The following LRFN4 variants were observed in gnomAD, a reference collection of about 807,000 sequenced individuals.
The protein encoded by LRFN4 is leucine-rich repeat and fibronectin type-III domain-containing protein 4.
Under a neutral mutation model 29.0 loss-of-function variants are expected in LRFN4, and 10 were observed. The observed-to-expected ratio is 0.35, with a 90% CI of 0.21 to 0.59. The LOEUF is 0.59. LRFN4 is among the 20% of genes least tolerant of loss of function. The probability of loss-of-function intolerance (pLI) is 0.82; values close to 1 mark genes in which losing one functional copy is unlikely to be tolerated. For synonymous variants in LRFN4, 493 were observed against 437.0 expected (o/e 1.13, Z -1.60); for missense variants, 850 against 907.9 (o/e 0.94, Z 0.82).
rs1208260859 is a variant in LRFN4, at chr11:66,860,231, G to C, written c.*36G>C. 2.6e-6 allele frequency: 4 copies of C among 1,539,258 alleles called. No homozygotes were observed. The highest frequency in any genetic ancestry group is 3.5e-6 in the Non-Finnish European group (4 of 1,146,996). On this transcript the variant is annotated 3_prime_UTR_variant, in exon 2 of 2. Transcript: ENST00000309602. ...GCTTCCTGTGTGCTCCAAGGGATGA[G>C]CCTCGTGGGGCAGAGGGCCCGGGGC...
At position 66,859,678 on chromosome 11, in the gene LRFN4, T is replaced by C; in HGVS notation, c.1391T>C (p.Leu464Pro). 5.0e-6 allele frequency: 8 copies of C among 1,612,950 alleles called. No homozygotes were observed. The highest frequency in any genetic ancestry group is 5.9e-6 in the Non-Finnish European group (7 of 1,179,884). Residue 464 changes from leucine (L) to proline (P), a missense_variant, in exon 2 of 2, where the codon CTC becomes CCC. Leu to Pro is a moderately conservative substitution (Grantham distance 98). This residue lies in a region of LRFN4 where 744 missense variants were observed against 753.8 expected (regional missense o/e 0.99). Coordinates refer to ENST00000309602, the MANE Select transcript of LRFN4 (RefSeq NM_024036.5). ...ASSHHFLLKH[L>P]VPGADYDLCL... The stretch of plus-strand genomic sequence containing the variant: ...AGCCACCACTTCCTGCTGAAGCACC[T>C]CGTCCCCGGCGCTGACTATGACCTC...
Position 66,860,031 on chromosome 11 carries a change from C to T in LRFN4, c.1744C>T (p.Arg582Cys), listed in dbSNP as rs1165579148. The T allele has an allele frequency of 1.9e-6, 3 of 1,582,900 alleles. No homozygotes were observed. Among genetic ancestry groups the T allele is most frequent in the Non-Finnish European group, 2.6e-6 (3 of 1,165,522 alleles). Residue 582 changes from arginine (R) to cysteine (C), a missense_variant, in exon 2 of 2, where the codon CGC becomes TGC. Arg to Cys is a radical substitution (Grantham distance 180). This residue lies in a region of LRFN4 where 744 missense variants were observed against 753.8 expected (regional missense o/e 0.99). Coordinates refer to ENST00000309602, the MANE Select transcript of LRFN4 (RefSeq NM_024036.5). ...GCGGAGCCCCCCGCCCCGGCCGCAGCGCAGCTGCTCTCTGGACCTGGGAGA... is the reference window on the plus strand; with the variant it reads ...GCGGAGCCCCCCGCCCCGGCCGCAGTGCAGCTGCTCTCTGGACCTGGGAGA... ...PPRSPPPRPQ[R>C]SCSLDLGDAG...
chr11:66,857,887 G>C lies in LRFN4; in HGVS notation c.143G>C (p.Arg48Pro). 1.2e-6 allele frequency: 2 copies of C among 1,611,464 alleles called. No homozygotes were observed. Among genetic ancestry groups the C allele is most frequent in the Non-Finnish European group, 1.7e-6 (2 of 1,179,920 alleles). Residue 48 changes from arginine to proline, a missense_variant, in exon 1 of 2, where the codon CGG (arginine) becomes CCG (proline). Arg to Pro is a moderately radical substitution (Grantham distance 103). Coordinates refer to ENST00000309602, the MANE Select transcript of LRFN4 (RefSeq NM_024036.5). This position sits in a 1 kb window ranked among gnomAD's most constrained non-coding sequence, Gnocchi z 7.1. Reference protein sequence around the residue: ...GLLFVPPNVDRRTVELRLADN... With the variant: ...GLLFVPPNVDPRTVELRLADN... ...CTGTTTGTGCCGCCCAACGTGGACC[G>C]GCGCACAGTGGAGCTGCGGCTGGCT...
In LRFN4 at chr11:66,858,156, G is replaced by T. The variant is rs1945985314; in HGVS notation, c.412G>T (p.Gly138Ter). ...SGNQLGRIAPGAFDDFLESLE... is the reference protein window; with the variant it reads ...SGNQLGRIAP ...CAACCAGCTGGGCCGCATCGCGCCGGGAGCCTTCGACGACTTCCTAGAGAG... is the reference window on the plus strand; with the variant it reads ...CAACCAGCTGGGCCGCATCGCGCCGTGAGCCTTCGACGACTTCCTAGAGAG... Residue 138 changes from glycine to a stop codon, truncating the protein, a stop_gained, in exon 1 of 2, where the codon GGA becomes TGA. Transcript: ENST00000309602. LOFTEE classifies it high-confidence loss of function. The surrounding 1 kb of genome is among the most constrained non-coding windows in gnomAD (Gnocchi z 5.9). 1 of 1,610,668 alleles carries T rather than the reference G, an allele frequency of 6.2e-7. No homozygotes were observed. The highest frequency in any genetic ancestry group is 1.3e-5 in the African/African-American group (1 of 74,900).
chr11:66,858,263 C>G lies in LRFN4; in HGVS notation c.519C>G (p.Thr173=), dbSNP rs1346703838. 1.2e-6 allele frequency: 2 copies of G among 1,612,394 alleles called. No homozygotes were observed. The highest frequency in any genetic ancestry group is 1.6e-4 in the Middle Eastern group (1 of 6,062). Residue 173 remains threonine, a synonymous_variant, in exon 1 of 2, where the codon ACC becomes ACG. Coordinates refer to ENST00000309602, the MANE Select transcript of LRFN4 (RefSeq NM_024036.5). The surrounding 1 kb of genome is among the most constrained non-coding windows in gnomAD (Gnocchi z 5.9). ...TCGGCGCCATGCCTGCCCTGCACAC[C>G]CTCAACCTGGACCATAACCTTATTG... The part of the protein sequence containing the change: ...AGIGAMPALH[T]LNLDHNLIDA...
In LRFN4 at chr11:66,857,848, CCCA is replaced by C; in HGVS notation, c.107_109del (p.His36del). On this transcript the variant is annotated inframe_deletion, in exon 1 of 2. Transcript: ENST00000309602. The surrounding 1 kb of genome is among the most constrained non-coding windows in gnomAD (Gnocchi z 7.1). ...TCCGAGTCGCTCAGCACCCTCTGTG[CCCA>C]CCGAGGCCTGCTGTTTGTGCCGCCC... 1 of 1,607,804 alleles carries C rather than the reference CCCA, an allele frequency of 6.2e-7. No homozygotes were observed. The highest frequency in any genetic ancestry group is 1.1e-5 in the South Asian group (1 of 91,070).
intron 1 of LRFN4, 117 bp downstream of exon 1, chr11:66,859,210 C>G: frequency 7.7e-7 from 1 of 1,295,310 alleles, no homozygotes; most frequent in Non-Finnish European, 1.0e-6. Flanking sequence ...CCCTCCCCGA[C>G]CATGGCTGCT....
chr11:66,860,184 A>T lies in LRFN4; in HGVS notation c.1897A>T (p.Ser633Cys), dbSNP rs1490882497. The change falls in exon 2 of 2, where the codon AGT (serine) becomes TGT (cysteine). Residue 633 changes from serine (S) to cysteine (C), a missense_variant. Ser to Cys is a moderately radical substitution (Grantham distance 112, BLOSUM62 -1). Coordinates refer to ENST00000309602, the MANE Select transcript of LRFN4 (RefSeq NM_024036.5). ...VGGSAERLEE[S>C]VV ...AGGCAGCGCCGAGCGGCTGGAAGAG[A>T]GTGTGGTGTGATGGACGGGCAGCTT... The T allele has an allele frequency of 8.4e-6, 13 of 1,545,162 alleles. No individual in the cohort carries two copies. The highest frequency in any genetic ancestry group is 1.1e-5 in the Non-Finnish European group (13 of 1,147,428).
Position 66,859,031 on chromosome 11 carries a change from C to G in LRFN4, c.1287C>G (p.Ala429=), listed in dbSNP as rs781135899. 6.6e-6 allele frequency: 10 copies of G among 1,508,150 alleles called. No individual in the cohort carries two copies. Among genetic ancestry groups the G allele is most frequent in the Non-Finnish European group, 8.0e-6 (9 of 1,128,458 alleles). The allele number at this position is 1,508,150 out of a possible 1,614,324, so 93.4% of individuals were successfully genotyped here. A position where few individuals can be genotyped will look rare whatever the true frequency, so the allele number is the denominator to read the frequency against. ...GLVSWGPGRP[A]DPVWMFQIQY... is the part of the protein sequence containing the mutation. ...TGAGCTGGGGTCCCGGGCGGCCAGCCGACCCAGTGTGGATGTTCCAAATCC... is the reference window on the plus strand; with the variant it reads ...TGAGCTGGGGTCCCGGGCGGCCAGCGGACCCAGTGTGGATGTTCCAAATCC... The change falls in exon 1 of 2, where the codon GCC becomes GCG. Residue 429 remains alanine (A), a synonymous_variant. Transcript: ENST00000309602.
Position 66,859,938 on chromosome 11 carries a change from C to G in LRFN4, c.1651C>G (p.Leu551Val), listed in dbSNP as rs368508310. The G allele has an allele frequency of 3.8e-6, 6 of 1,594,054 alleles. No homozygotes were observed. Among genetic ancestry groups the G allele is most frequent in the Non-Finnish European group, 5.1e-6 (6 of 1,170,642 alleles). Residue 551 changes from leucine to valine, a missense_variant, in exon 2 of 2, where the codon CTC (leucine) becomes GTC (valine). Physicochemically the swap from Leu to Val is conservative, Grantham distance 32. This residue lies in a region of LRFN4 where 744 missense variants were observed against 753.8 expected (regional missense o/e 0.99). Coordinates refer to ENST00000309602, the MANE Select transcript of LRFN4 (RefSeq NM_024036.5). ...GRGAGNGRLP[L>V]KLSHVQSQTN... is the part of the protein sequence containing the mutation. ...GGGGGCCGGAAATGGCCGCCTCCCC[C>G]TCAAGCTCAGCCACGTCCAGTCCCA...
At chr11:66,859,357 G>A (rs1366006150) in intron 1 of LRFN4, among the ~76,000 whole-genome samples, 2 of 152,144 alleles carry the variant, frequency 1.3e-5, no homozygotes, top group East Asian at 1.9e-4. Context: ...AGCAGGTGGC[G>A]GTTGGGTCTG....
chr11:66,857,870 G>A lies in LRFN4; in HGVS notation c.126G>A (p.Val42=). 6.2e-7 allele frequency: 1 copy of A among 1,610,324 alleles called. No individual in the cohort carries two copies. Among genetic ancestry groups the A allele is most frequent in the East Asian group, 2.2e-5 (1 of 44,850 alleles). The change falls in exon 1 of 2, where the codon GTG becomes GTA. Residue 42 remains valine, a synonymous_variant. Coordinates refer to ENST00000309602, the MANE Select transcript of LRFN4 (RefSeq NM_024036.5). This position sits in a 1 kb window ranked among gnomAD's most constrained non-coding sequence, Gnocchi z 7.1. ...TLCAHRGLLF[V]PPNVDRRTVE... is the part of the protein sequence containing the mutation. ...GTGCCCACCGAGGCCTGCTGTTTGT[G>A]CCGCCCAACGTGGACCGGCGCACAG...
In LRFN4 at chr11:66,857,993, C is replaced by T. The variant is rs931320214; in HGVS notation, c.249C>T (p.Ala83=). The T allele has an allele frequency of 1.9e-6, 3 of 1,612,476 alleles. No homozygotes were observed. The highest frequency in any genetic ancestry group is 2.5e-6 in the Non-Finnish European group (3 of 1,179,936). The change falls in exon 1 of 2, where the codon GCC becomes GCT. Residue 83 remains alanine, a synonymous_variant. Coordinates refer to ENST00000309602, the MANE Select transcript of LRFN4 (RefSeq NM_024036.5). This position sits in a 1 kb window ranked among gnomAD's most constrained non-coding sequence, Gnocchi z 7.1. ...TGGACCTGACACTGTCTCGCAATGCCATCACCCGCATTGGGGCCCGCGCCT... is the reference window on the plus strand; with the variant it reads ...TGGACCTGACACTGTCTCGCAATGCTATCACCCGCATTGGGGCCCGCGCCT... The part of the protein sequence containing the change: ...GLVDLTLSRN[A]ITRIGARAFG...
In LRFN4 at chr11:66,858,955, A is replaced by G; in HGVS notation, c.1211A>G (p.Glu404Gly). 1.3e-6 allele frequency: 2 copies of G among 1,576,740 alleles called. No individual in the cohort carries two copies. The highest frequency in any genetic ancestry group is 8.6e-7 in the Non-Finnish European group (1 of 1,158,006). Residue 404 changes from glutamate (E) to glycine (G), a missense_variant, in exon 1 of 2, where the codon GAG becomes GGG. By Grantham distance (98) the Glu-to-Gly change is moderately conservative. Transcript: ENST00000309602. This position sits in a 1 kb window ranked among gnomAD's most constrained non-coding sequence, Gnocchi z 5.9. Reference protein sequence around the residue: ...RTAAEGEGTLESEPAVQVTEV... With the variant: ...RTAAEGEGTLGSEPAVQVTEV... ...GCTGCCGAGGGTGAGGGGACGCTGG[A>G]GTCTGAGCCAGCCGTGCAGGTGACG...
At position 66,858,771 on chromosome 11, in the gene LRFN4, G is replaced by A. The variant is rs376308544; in HGVS notation, c.1027G>A (p.Ala343Thr). The A allele has an allele frequency of 1.5e-5, 23 of 1,549,732 alleles. No individual in the cohort carries two copies. Among genetic ancestry groups the A allele is most frequent in the African/African-American group, 1.4e-4 (10 of 73,142 alleles). The change falls in exon 1 of 2, where the codon GCT becomes ACT. Residue 343 changes from alanine (A) to threonine (T), a missense_variant. Ala to Thr is a moderately conservative substitution (Grantham distance 58). Around this residue, in one of 2 missense-constraint regions of LRFN4, gnomAD observed 744 missense variants for 753.8 expected, o/e 0.99. Transcript: ENST00000309602. The surrounding 1 kb of genome is among the most constrained non-coding windows in gnomAD (Gnocchi z 5.9). ...GACCTTAGAGATTGGGGTGACCGGCGCTGGGGACGCTGGGGGCTACACCTG... is the reference window on the plus strand; with the variant it reads ...GACCTTAGAGATTGGGGTGACCGGCACTGGGGACGCTGGGGGCTACACCTG... ...NGTLEIGVTG[A>T]GDAGGYTCIA...
At position 66,860,001 on chromosome 11, in the gene LRFN4, C is replaced by T; in HGVS notation, c.1714C>T (p.Pro572Ser). The change falls in exon 2 of 2, where the codon CCG (proline) becomes TCG (serine). Residue 572 changes from proline to serine, a missense_variant. Around this residue, in one of 2 missense-constraint regions of LRFN4, gnomAD observed 744 missense variants for 753.8 expected, o/e 0.99. Transcript: ENST00000309602. Reference sequence around the variant, plus strand: ...CCCCAGCCCCACACCCAAGGCCCACCCGCCGCGGAGCCCCCCGCCCCGGCC... The same window carrying T: ...CCCCAGCCCCACACCCAAGGCCCACTCGCCGCGGAGCCCCCCGCCCCGGCC... The part of the protein sequence containing the change: ...GGPSPTPKAH[P>S]PRSPPPRPQR... 1.3e-6 allele frequency: 2 copies of T among 1,594,246 alleles called. No individual in the cohort carries two copies. The highest frequency in any genetic ancestry group is 1.7e-6 in the Non-Finnish European group (2 of 1,170,386).
chr11:66,858,225 C>T lies in LRFN4; in HGVS notation c.481C>T (p.Pro161Ser). Residue 161 changes from proline (P) to serine (S), a missense_variant, in exon 1 of 2, where the codon CCC (proline) becomes TCC (serine). Transcript: ENST00000309602. This position sits in a 1 kb window ranked among gnomAD's most constrained non-coding sequence, Gnocchi z 5.9. ...GTCCTACAACAACCTCCGGCAGGTG[C>T]CCTGGGCCGGCATCGGCGCCATGCC... Reference protein sequence around the residue: ...DLSYNNLRQVPWAGIGAMPAL... With the variant: ...DLSYNNLRQVSWAGIGAMPAL... The T allele has an allele frequency of 6.2e-7, 1 of 1,612,502 alleles. No homozygotes were observed. The highest frequency in any genetic ancestry group is 2.2e-5 in the East Asian group (1 of 44,872).
Position 66,857,219 on chromosome 11 carries a change from G to T in LRFN4, c.-526G>T, listed in dbSNP as rs920917050. On this transcript the variant is annotated 5_prime_UTR_variant, in exon 1 of 2. Transcript: ENST00000309602. The surrounding 1 kb of genome is among the most constrained non-coding windows in gnomAD (Gnocchi z 7.1). ...TCATCCCCGGGCCTCGTCCCCGCGG[G>T]AGAGCGGCCAGGAGTCGGCGGGGGC... 6.7e-6 allele frequency: 1 copy of T among 149,690 alleles called. No homozygotes were observed. Among genetic ancestry groups the T allele is most frequent in the Non-Finnish European group, 1.5e-5 (1 of 67,132 alleles). 9.3% of individuals were successfully genotyped at this position (149,690 alleles called of 1,614,324 possible).
Position 66,859,931 on chromosome 11 carries a change from C to T in LRFN4, c.1644C>T (p.Arg548=). 1 of 1,589,790 alleles carries T rather than the reference C, an allele frequency of 6.3e-7. No individual in the cohort carries two copies. The highest frequency in any genetic ancestry group is 8.6e-7 in the Non-Finnish European group (1 of 1,168,414). Residue 548 remains arginine (R), a synonymous_variant, in exon 2 of 2, where the codon CGC becomes CGT. Transcript: ENST00000309602. ...LVRGRGAGNG[R]LPLKLSHVQS... is the part of the protein sequence containing the mutation. ...GGGGCCGGGGGGCCGGAAATGGCCG[C>T]CTCCCCCTCAAGCTCAGCCACGTCC... is the stretch of plus-strand genomic sequence containing the variant.
Sources: allele counts gnomAD v4.1 joint callset (sites outside exome capture counted in the v4.1 genomes callset), GRCh38; gene constraint gnomAD v4.1.1; regional missense constraint gnomAD v4.1.1; non-coding constraint Gnocchi (gnomAD v3.1); transcripts MANE v1.5; gene names NCBI Gene and HGNC (gene_info 2026-07-23, HGNC 2026-07-21).